Variants in SUN1 observed in about 807,000 individuals in gnomAD.
SUN1 encodes SUN domain-containing protein 1.
SUN1 carries 61 observed loss-of-function variants against 103.2 expected under a neutral mutation model. The ratio of observed to expected loss-of-function variants is 0.59; its 90% CI spans 0.48 to 0.73. The LOEUF is 0.73. SUN1 is among the 30% of genes least tolerant of loss of function. The pLI is 0.00. For missense variants in SUN1, 1,052 were observed against 1,034.6 expected, an observed-to-expected ratio of 1.02 and a Z score of -0.23; for synonymous variants, 490 against 425.7, an observed-to-expected ratio of 1.15 and a Z score of -1.86.
chr7:829,965 C>T (rs936623421), upstream of SUN1, among the ~76,000 whole-genome samples: 1 of 152,254 alleles, frequency 6.6e-6, no homozygotes, highest in South Asian at 2.1e-4. Flanking sequence ...CTGAGGTACA[C>T]AGTTTCATTT....
chr7:853,670 G>A (rs1469581844), intron 10 of SUN1, 52 bp downstream of exon 10: 1 of 1,569,722 alleles, frequency 6.4e-7, no homozygotes, highest in Admixed American at 1.8e-5. Context: ...GCGCTTCTGG[G>A]TGCCATGTTC....
In SUN1 at chr7:868,285, G is replaced by C. The variant is rs1420661126; in HGVS notation, c.1981-1064G>C. Among the ~76,000 whole-genome samples, 6 of 152,372 alleles carry C rather than the reference G, an allele frequency of 3.9e-5. No homozygotes were observed. In the East Asian group the frequency reaches 1.2e-3, roughly 29 times the overall value. The stretch of plus-strand genomic sequence containing the variant: ...CAGTCAGTCCCTGTGTGTGCCTGGG[G>C]ACGCTGTGCTGCGAACAGTGCTCTC... On this transcript the variant is annotated intron_variant, in intron 16 of 18. Transcript: ENST00000401592.
At position 851,412 on chromosome 7, in the gene SUN1, G is replaced by A; in HGVS notation, c.687G>A (p.Arg229=). 6.2e-7 allele frequency: 1 copy of A among 1,609,148 alleles called. No homozygotes were observed. The highest frequency in any genetic ancestry group is 1.3e-5 in the African/African-American group (1 of 75,002). ...KCYFLLQILR[R]IGAVGQAVSR... is the part of the protein sequence containing the mutation. The stretch of plus-strand genomic sequence containing the variant: ...ACTTCTTGCTGCAGATTCTGCGCAG[G>A]ATCGGAGCTGTGGGCCAGGCTGTGT... Residue 229 remains arginine, a synonymous_variant, in exon 6 of 19, where the codon AGG becomes AGA. Transcript: ENST00000401592.
chr7:848,697 G>T (rs985367990), intron 5 of SUN1: 2 of 1,005,078 alleles, frequency 2.0e-6, no homozygotes, highest in African/African-American at 3.4e-5. Context: ...CTCGCCAGGC[G>T]CCTCCCTCGC....
At chr7:817,848 T>TA (rs1782277895) in intron 1 of SUN1, among the ~76,000 whole-genome samples, 1 of 152,216 alleles carries the variant, frequency 6.6e-6, no homozygotes, top group East Asian at 1.9e-4. Context: ...GTTCTGGAAA[T>TA]ACTACTGTTT....
chr7:839,444 G>T, intron 2 of SUN1, among the ~76,000 whole-genome samples: 1 of 152,258 alleles, frequency 6.6e-6, no homozygotes, highest in East Asian at 1.9e-4. Flanking sequence ...GAATGCAGTG[G>T]CACGATCTCA....
intron 5 of SUN1, among the ~76,000 whole-genome samples, chr7:847,333 TG>T (rs1442344290): frequency 1.7e-4 from 26 of 150,722 alleles, no homozygotes; most frequent in Non-Finnish European, 1.5e-5. Flanking sequence ...CGGGATCCCC[TG>T]GGGGTTACCC....
intron 14 of SUN1, 125 bp from the exon 15 acceptor site, chr7:861,255 C>T: frequency 1.1e-6 from 1 of 915,962 alleles, no homozygotes; most frequent in South Asian, 1.6e-5. Flanking sequence ...TGCCTAGGAA[C>T]CCTACATAGT....
intron 1 of SUN1, among the ~76,000 whole-genome samples, chr7:823,777 G>T (rs540844023): frequency 1.5e-4 from 23 of 152,294 alleles, no homozygotes; most frequent in Admixed American, 1.1e-3. Context: ...GAGGTGGCAT[G>T]TCAGGGCGGG....
upstream of SUN1, chr7:816,193 C>CA: frequency 3.5e-6 from 1 of 283,560 alleles, no homozygotes; most frequent in Non-Finnish European, 6.4e-6. Flanking sequence ...AGACCCCTCC[C>CA]CCAGGTGCAG....
rs1422338153 is a variant in SUN1 at position 833,393 on chromosome 7, A to G, written c.77+792A>G. Reference sequence around the variant, plus strand: ...TGGTGCAATCTCGGCTCACTGCAACATCCGCCTCCCAGATTCAAGCAGTTC... The same window carrying G: ...TGGTGCAATCTCGGCTCACTGCAACGTCCGCCTCCCAGATTCAAGCAGTTC... On this transcript the variant is annotated intron_variant, in intron 1 of 18. Coordinates refer to ENST00000401592, the MANE Select transcript of SUN1 (RefSeq NM_001130965.3). Among the ~76,000 whole-genome samples the G allele has an allele frequency of 2.0e-5, 3 of 150,642 alleles. No individual in the cohort carries two copies. In the East Asian group the frequency reaches 5.9e-4, roughly 29 times the overall value.
At chr7:835,752 C>T (rs909930770) in intron 1 of SUN1, among the ~76,000 whole-genome samples, 2 of 152,324 alleles carry the variant, frequency 1.3e-5, no homozygotes, top group African/African-American at 2.4e-5. Context: ...TTGACCCACC[C>T]GCAGTAAAAT....
chr7:873,450 CGTGGCT>C lies in SUN1; in HGVS notation c.*121_*126del. 1 of 1,021,778 alleles carries C rather than the reference CGTGGCT, an allele frequency of 9.8e-7. No homozygotes were observed. The highest frequency in any genetic ancestry group is 2.1e-5 in the Admixed American group (1 of 47,728). The allele number at this position is 1,021,778 out of a possible 1,614,324, so 63.3% of individuals were successfully genotyped here. On this transcript the variant is annotated 3_prime_UTR_variant, in exon 19 of 19. Transcript: ENST00000401592. ...GACAGTGCCACACTCCTTCAATAAA[CGTGGCT>C]GCTGGCCAGAGGACGTGAGCGTGTG...
chr7:871,842 C>G (rs540763623), intron 17 of SUN1, among the ~76,000 whole-genome samples: 3 of 152,340 alleles, frequency 2.0e-5, no homozygotes, highest in Admixed American at 6.5e-5. Context: ...AGTTCTCTGA[C>G]TCGGATAAAA....
At chr7:827,570 C>T (rs991618192), upstream of SUN1, among the ~76,000 whole-genome samples, 43 of 149,040 alleles carry the variant, frequency 2.9e-4, no homozygotes, top group Admixed American at 6.7e-4. Flanking sequence ...CCCGGGTTCA[C>T]GCCATTCTCC....
At chr7:860,670 G>C (rs897291016) in intron 14 of SUN1, among the ~76,000 whole-genome samples, 3 of 152,182 alleles carry the variant, frequency 2.0e-5, no homozygotes, top group Non-Finnish European at 4.4e-5. Flanking sequence ...CTGCCTGTGT[G>C]GTGGCCACAC....
chr7:824,367 G>C (rs569628063), intron 1 of SUN1, among the ~76,000 whole-genome samples: 1 of 152,262 alleles, frequency 6.6e-6, no homozygotes, highest in East Asian at 1.9e-4. Context: ...CTTGAGGGCC[G>C]CTGGCTGCAG....
At chr7:858,518 G>A (rs559980356) in intron 13 of SUN1, among the ~76,000 whole-genome samples, 1 of 152,278 alleles carries the variant, frequency 6.6e-6, no homozygotes, top group South Asian at 2.1e-4. Context: ...AGTCTCCTTG[G>A]TATGCGTCCT....
rs75516030 is a variant in SUN1 at position 871,731 on chromosome 7, A to G, written c.2149-739A>G. 7.7e-3 allele frequency among the ~76,000 whole-genome samples: 1,167 copies of G among 152,306 alleles called. 54 individuals are homozygous for G. In the East Asian group the frequency reaches 0.14, roughly 18 times the overall value. On this transcript the variant is annotated intron_variant, in intron 17 of 18. Transcript: ENST00000401592. ...GGTGATTATCAGAGGCAGTAGTTAC[A>G]TCTACTCACTCGCTGGAACTTCTTC...
Sources: allele counts gnomAD v4.1 joint callset (sites outside exome capture counted in the v4.1 genomes callset), GRCh38; gene constraint gnomAD v4.1.1; transcripts MANE v1.5; gene names NCBI Gene and HGNC (gene_info 2026-07-23, HGNC 2026-07-21).